The following PTPRD variants were observed in gnomAD, a reference collection of about 807,000 sequenced individuals.
PTPRD encodes the protein receptor-type tyrosine-protein phosphatase delta.
PTPRD carries 34 observed loss-of-function variants against 214.5 expected under a neutral mutation model. The ratio of observed to expected loss-of-function variants is 0.16; its 90% CI spans 0.12 to 0.21. The LOEUF (loss-of-function observed/expected upper bound fraction) is 0.21, where lower values mean the gene tolerates loss of function less well. Ranked by LOEUF, PTPRD falls within the 10% of genes least tolerant of loss-of-function variation. PTPRD has a pLI of 1.00. For synonymous variants in PTPRD, 1,128 were observed against 845.7 expected (o/e 1.33, Z -5.79); for missense variants, 2,545 against 2,398.7 (o/e 1.06, Z -1.27).
chr9:9,387,392 T>C (rs1013960092), intron 9 of PTPRD, among the ~76,000 whole-genome samples: 1 of 152,210 alleles, frequency 6.6e-6, no homozygotes, highest in African/African-American at 2.4e-5. Context: ...AAGTTATTTC[T>C]TTTGAAATTA....
intron 2 of PTPRD, among the ~76,000 whole-genome samples, chr9:10,348,407 A>G (rs1047844589): frequency 6.6e-6 from 1 of 152,150 alleles, no homozygotes; most frequent in African/African-American, 2.4e-5. Context: ...AACCAAAATG[A>G]TTTAAAACAG....
intron 37 of PTPRD, among the ~76,000 whole-genome samples, chr9:8,382,933 A>AT (rs2085629624): frequency 6.6e-6 from 1 of 152,220 alleles, no homozygotes; most frequent in Non-Finnish European, 1.5e-5. Context: ...CAAACCTGGC[A>AT]TTTGGAAAGC....
chr9:8,586,210 G>C, intron 14 of PTPRD, among the ~76,000 whole-genome samples: 1 of 141,440 alleles, frequency 7.1e-6, no homozygotes, highest in East Asian at 1.9e-4. Flanking sequence ...TGAGGCAGGA[G>C]AATTGCTAGA....
intron 8 of PTPRD, among the ~76,000 whole-genome samples, chr9:9,522,640 G>T (rs2097013353): frequency 6.6e-6 from 1 of 151,932 alleles, no homozygotes; most frequent in Non-Finnish European, 1.5e-5. Context: ...GCTCTCTGTT[G>T]GTGTAATTTC....
chr9:9,445,920 T>A (rs957696770), intron 8 of PTPRD, among the ~76,000 whole-genome samples: 8 of 152,168 alleles, frequency 5.3e-5, no homozygotes, highest in Non-Finnish European at 7.3e-5. Context: ...AATGGTTCCT[T>A]AGCACAGTTG....
intron 2 of PTPRD, among the ~76,000 whole-genome samples, chr9:10,499,377 TAAAC>T (rs2043003446): frequency 6.6e-6 from 1 of 152,064 alleles, no homozygotes; most frequent in African/African-American, 2.4e-5. Context: ...TTACTAGGGA[TAAAC>T]AAAGACCATA....
At chr9:9,235,567 A>T (rs1256383795) in intron 9 of PTPRD, among the ~76,000 whole-genome samples, 1 of 152,050 alleles carries the variant, frequency 6.6e-6, no homozygotes, top group Admixed American at 6.6e-5. Flanking sequence ...AGGGGTGAGA[A>T]AAGGTATCAC....
At chr9:8,860,777 T>G in intron 11 of PTPRD, 1 of 152,188 alleles carries the variant, frequency 6.6e-6, no homozygotes, top group East Asian at 1.9e-4. Context: ...ACCTCGTTTT[T>G]ACAGGTAAAG....
At chr9:9,645,801 A>C (rs1052911161) in intron 7 of PTPRD, among the ~76,000 whole-genome samples, 5 of 152,128 alleles carry the variant, frequency 3.3e-5, no homozygotes, top group African/African-American at 1.2e-4. Flanking sequence ...TCTCCTGAAT[A>C]ATTTAAAGAT....
Position 9,043,143 on chromosome 9 carries a change from G to T in PTPRD, c.-142-24408C>A, listed in dbSNP as rs191195084. Among the ~76,000 whole-genome samples, 415 of 152,190 alleles carry T rather than the reference G, an allele frequency of 2.7e-3. 2 individuals are homozygous for T. The highest frequency in any genetic ancestry group is 4.6e-3 in the Non-Finnish European group (310 of 68,004). ...AATCTAGAGTGAGTTAGTGTCTGTG[G>T]CTCACAACAAAGATACATAAATTTT... On this transcript the variant is annotated intron_variant, in intron 10 of 45. Transcript: ENST00000381196.
intron 3 of PTPRD, among the ~76,000 whole-genome samples, chr9:10,235,471 G>T (rs1393851999): frequency 6.6e-6 from 1 of 151,916 alleles, no homozygotes; most frequent in Non-Finnish European, 1.5e-5. Context: ...AACCAGGAAG[G>T]CTATGGTATC....
intron 5 of PTPRD, among the ~76,000 whole-genome samples, chr9:9,884,710 G>A (rs2153747096): frequency 6.6e-6 from 1 of 152,240 alleles, no homozygotes; most frequent in African/African-American, 2.4e-5. Context: ...GAATCATGGG[G>A]ATGGTTACCT....
intron 3 of PTPRD, among the ~76,000 whole-genome samples, chr9:10,207,785 T>C (rs2099491195): frequency 2.6e-5 from 4 of 151,486 alleles, no homozygotes; most frequent in Non-Finnish European, 5.9e-5. Context: ...AGTATAAATG[T>C]CAAAAAAAAT....
At chr9:10,289,383 G>A (rs1299262572) in intron 3 of PTPRD, among the ~76,000 whole-genome samples, 1 of 152,184 alleles carries the variant, frequency 6.6e-6, no homozygotes, top group Non-Finnish European at 1.5e-5. Context: ...CAGCTGAGGT[G>A]TTGGAGATGT....
chr9:9,701,322 C>A (rs2097497987), intron 7 of PTPRD, among the ~76,000 whole-genome samples: 1 of 152,010 alleles, frequency 6.6e-6, no homozygotes, highest in Non-Finnish European at 1.5e-5. Flanking sequence ...TAATTAAGGA[C>A]AAAAGCAGGT....
In PTPRD at chr9:9,157,977, T is replaced by A. The variant is rs113342387; in HGVS notation, c.-143+25327A>T. On this transcript the variant is annotated intron_variant, in intron 10 of 45. Coordinates refer to ENST00000381196, the MANE Select transcript of PTPRD (RefSeq NM_002839.4). ...TAAGTAAGAACATGTAGTGTTCGGTTTTCTGTTCCTGCGTGTTTGCTAAGA... is the reference window on the plus strand; with the variant it reads ...TAAGTAAGAACATGTAGTGTTCGGTATTCTGTTCCTGCGTGTTTGCTAAGA... Among the ~76,000 whole-genome samples the A allele has an allele frequency of 1.9e-3, 285 of 152,288 alleles. 1 individual carries two copies. The highest frequency in any genetic ancestry group is 6.4e-3 in the African/African-American group (267 of 41,566).
At chr9:9,208,127 G>C (rs1282184569) in intron 9 of PTPRD, among the ~76,000 whole-genome samples, 2 of 145,844 alleles carry the variant, frequency 1.4e-5, no homozygotes, top group African/African-American at 2.5e-5. Context: ...CCATTCTCCT[G>C]TCTCAGCCTC....
chr9:9,967,438 G>T (rs1001028921), intron 4 of PTPRD, among the ~76,000 whole-genome samples: 1 of 152,158 alleles, frequency 6.6e-6, no homozygotes, highest in Non-Finnish European at 1.5e-5. Flanking sequence ...GTCTATTAAG[G>T]ATAGTGCAGA....
chr9:10,489,422 G>A (rs1288485662), intron 2 of PTPRD, among the ~76,000 whole-genome samples: 1 of 152,104 alleles, frequency 6.6e-6, no homozygotes, highest in African/African-American at 2.4e-5. Context: ...TGCAGCCTGG[G>A]GTCAGGGGAG....
Sources: allele counts gnomAD v4.1 joint callset (sites outside exome capture counted in the v4.1 genomes callset), GRCh38; gene constraint gnomAD v4.1.1; transcripts MANE v1.5; gene names NCBI Gene and HGNC (gene_info 2026-07-23, HGNC 2026-07-21).